The following YIPF7 variants were observed in gnomAD, a reference collection of about 807,000 sequenced individuals.
The protein encoded by YIPF7 is Yip1 domain family member 7.
YIPF7 carries 35 observed loss-of-function variants against 27.2 expected under a neutral mutation model. The ratio of observed to expected loss-of-function variants is 1.29; its 90% CI spans 0.98 to 1.70. YIPF7 has a LOEUF of 1.70. Ranked by LOEUF, YIPF7 falls within the 40% of genes most tolerant of loss-of-function variation. The pLI is 0.00. For synonymous variants in YIPF7, 137 were observed against 110.4 expected, an observed-to-expected ratio of 1.24 and a Z score of -1.51; for missense variants, 358 against 303.7, an observed-to-expected ratio of 1.18 and a Z score of -1.33.
At chr4:44,635,161 G>A (rs969404238) in intron 3 of YIPF7, among the ~76,000 whole-genome samples, 5 of 152,112 alleles carry the variant, frequency 3.3e-5, no homozygotes, top group African/African-American at 1.2e-4. Context: ...TAGTTAACCA[G>A]TGACTATTTC....
intron 2 of YIPF7, among the ~76,000 whole-genome samples, chr4:44,648,649 T>C (rs1713612092): frequency 6.6e-6 from 1 of 152,190 alleles, no homozygotes; most frequent in South Asian, 2.1e-4. Flanking sequence ...TCAGTGACTT[T>C]AGGTAACAAA....
At chr4:44,650,332 G>T (rs76829683) in intron 1 of YIPF7, among the ~76,000 whole-genome samples, 1 of 152,066 alleles carries the variant, frequency 6.6e-6, no homozygotes, top group African/African-American at 2.4e-5. Flanking sequence ...TTCGCACCCT[G>T]GACTGTGGCT....
chr4:44,632,532 T>C (rs1251086776), intron 3 of YIPF7, among the ~76,000 whole-genome samples: 1 of 152,222 alleles, frequency 6.6e-6, no homozygotes, highest in Non-Finnish European at 1.5e-5. Context: ...TTTATCATTC[T>C]TACATAAAAC....
At chr4:44,661,008 T>C (rs1453972829) in intron 1 of YIPF7, among the ~76,000 whole-genome samples, 1 of 152,110 alleles carries the variant, frequency 6.6e-6, no homozygotes, top group Non-Finnish European at 1.5e-5. Flanking sequence ...TAAGAACATA[T>C]AAGGAGACTA....
chr4:44,650,156 G>T, intron 1 of YIPF7, 55 bp from the exon 2 acceptor site: 11 of 1,077,378 alleles, frequency 1.0e-5, no homozygotes, highest in South Asian at 1.4e-5. Flanking sequence ...AACTTAGTTT[G>T]AGATATTTAC....
chr4:44,657,666 G>A (rs758459519), intron 2 of YIPF7, among the ~76,000 whole-genome samples: 5 of 152,214 alleles, frequency 3.3e-5, no homozygotes, highest in African/African-American at 4.8e-5. Flanking sequence ...TCGTGCACCA[G>A]GACAGCTCAT....
chr4:44,635,959 G>A lies in YIPF7; in HGVS notation c.243C>T (p.Tyr81=). 6.2e-7 allele frequency: 1 copy of A among 1,613,890 alleles called. No individual in the cohort carries two copies. Among genetic ancestry groups the A allele is most frequent in the Non-Finnish European group, 8.5e-7 (1 of 1,179,816 alleles). The change falls in exon 3 of 6, where the codon TAC becomes TAT. Residue 81 remains tyrosine (Y), a synonymous_variant. Coordinates refer to ENST00000415895, the MANE Select transcript of YIPF7 (RefSeq NM_182592.3). Reference sequence around the variant, plus strand: ...GAGGCTCTTCATCAAAACTGTCAATGTAAGGAGATTGTGAATAATAATCTG... The same window carrying A: ...GAGGCTCTTCATCAAAACTGTCAATATAAGGAGATTGTGAATAATAATCTG... ...SNSDYYSQSP[Y]IDSFDEEPPL...
Position 44,622,321 on chromosome 4 carries a change from A to G in YIPF7, c.*93T>C, listed in dbSNP as rs1250629678. On this transcript the variant is annotated 3_prime_UTR_variant, in exon 6 of 6. Coordinates refer to ENST00000415895, the MANE Select transcript of YIPF7 (RefSeq NM_182592.3). Reference sequence around the variant, plus strand: ...CTTATTACTCTCTCAAAAGCAATAAAACAGAAATCATATCACCAAATTTGA... The same window carrying G: ...CTTATTACTCTCTCAAAAGCAATAAGACAGAAATCATATCACCAAATTTGA... 1 of 1,439,416 alleles carries G rather than the reference A, an allele frequency of 6.9e-7. No individual in the cohort carries two copies. The highest frequency in any genetic ancestry group is 9.3e-7 in the Non-Finnish European group (1 of 1,073,730). The allele number at this position is 1,439,416 out of a possible 1,614,324, so 89.2% of individuals were successfully genotyped here.
chr4:44,649,615 T>TAA (rs11479581), intron 2 of YIPF7, among the ~76,000 whole-genome samples: 73 of 140,712 alleles, frequency 5.2e-4, no homozygotes, highest in East Asian at 1.4e-3. Flanking sequence ...TACTAAACAT[T>TAA]AAAAAAAAAA....
At chr4:44,656,740 A>C (rs576341286) in intron 2 of YIPF7, among the ~76,000 whole-genome samples, 1 of 152,056 alleles carries the variant, frequency 6.6e-6, no homozygotes, top group South Asian at 2.1e-4. Context: ...ATTTTATCAA[A>C]AGAAGATAGG....
intron 3 of YIPF7, 73 bp downstream of exon 3, chr4:44,635,849 G>A: frequency 6.6e-7 from 1 of 1,513,396 alleles, no homozygotes. Flanking sequence ...CAGGCTGACA[G>A]CACACATTAA....
intron 1 of YIPF7, among the ~76,000 whole-genome samples, chr4:44,650,507 G>GCGCACACACACACACACACA (rs6148421): frequency 3.6e-5 from 5 of 137,086 alleles, no homozygotes; most frequent in Non-Finnish European, 6.4e-5. Flanking sequence ...GCGCGCGCGC[G>GCGCACACACACACACACACA]CACACACACA....
intron 2 of YIPF7, among the ~76,000 whole-genome samples, chr4:44,637,462 A>T (rs1218637270): frequency 6.6e-6 from 1 of 152,104 alleles, no homozygotes; most frequent in African/African-American, 2.4e-5. Context: ...ATGATATCTC[A>T]CTGTTGTTTT....
intron 3 of YIPF7, among the ~76,000 whole-genome samples, chr4:44,633,475 A>G (rs1300963713): frequency 2.0e-5 from 3 of 152,146 alleles, no homozygotes; most frequent in African/African-American, 7.2e-5. Context: ...TTCACATATT[A>G]AGCTTAAACA....
chr4:44,626,225 T>C (rs915720631), intron 4 of YIPF7, among the ~76,000 whole-genome samples: 2 of 152,226 alleles, frequency 1.3e-5, no homozygotes, highest in African/African-American at 4.8e-5. Flanking sequence ...ACCTTCTGTA[T>C]GCTTGTGACT....
At chr4:44,645,491 A>T (rs75417897) in intron 2 of YIPF7, among the ~76,000 whole-genome samples, 5,259 of 152,334 alleles carry the variant, frequency 0.035, 136 homozygotes, top group Non-Finnish European at 0.054. Flanking sequence ...AATATGCTCA[A>T]TATTTAAGAT....
At chr4:44,651,796 T>C (rs1209530179), upstream of YIPF7, among the ~76,000 whole-genome samples, 1 of 152,214 alleles carries the variant, frequency 6.6e-6, no homozygotes, top group East Asian at 1.9e-4. Flanking sequence ...GACTTACAAT[T>C]TGATAATATG....
At chr4:44,643,549 G>C (rs1275688374) in intron 2 of YIPF7, among the ~76,000 whole-genome samples, 1 of 152,180 alleles carries the variant, frequency 6.6e-6, no homozygotes, top group Non-Finnish European at 1.5e-5. Flanking sequence ...AAAAAAAAGA[G>C]CCATGTGCTA....
At chr4:44,634,668 C>T (rs1481093691) in intron 3 of YIPF7, among the ~76,000 whole-genome samples, 1 of 152,020 alleles carries the variant, frequency 6.6e-6, no homozygotes, top group Non-Finnish European at 1.5e-5. Context: ...AATACATATA[C>T]ACAGGCATTT....
Sources: gnomAD v4.1 joint callset for allele counts (sites outside exome capture counted in the v4.1 genomes callset) on GRCh38, gnomAD v4.1.1 for gene constraint, MANE v1.5 for transcripts, NCBI Gene and HGNC (gene_info 2026-07-23, HGNC 2026-07-21) for gene names.